Variants in STAU2 observed in about 807,000 individuals in gnomAD.
The protein encoded by STAU2 is staufen double-stranded RNA binding protein 2.
STAU2 carries 20 observed loss-of-function variants against 65.9 expected under a neutral mutation model. The observed-to-expected ratio is 0.30, with a 90% CI of 0.21 to 0.44. STAU2 has a LOEUF of 0.44. STAU2 is among the 20% of genes least tolerant of loss of function. The pLI is 1.00. For synonymous variants in STAU2, 232 were observed against 233.9 expected, an observed-to-expected ratio of 0.99 and a Z score of 0.07; for missense variants, 558 against 683.9, an observed-to-expected ratio of 0.82 and a Z score of 2.05.
chr8:73,612,312 A>T lies in STAU2; in HGVS notation c.891+1432T>A, dbSNP rs1420379291. Among the ~76,000 whole-genome samples the T allele has an allele frequency of 2.0e-5, 3 of 152,236 alleles. No homozygotes were observed. The East Asian group carries it at 5.8e-4, about 29-fold the overall frequency. On this transcript the variant is annotated intron_variant, in intron 9 of 14. Coordinates refer to ENST00000524300, the MANE Select transcript of STAU2 (RefSeq NM_001164380.2). ...TTGTGCATTGTTTCAGTTAATACTTATAACAATCCCATACAGCAAGGTCAG... is the reference window on the plus strand; with the variant it reads ...TTGTGCATTGTTTCAGTTAATACTTTTAACAATCCCATACAGCAAGGTCAG...
intron 12 of STAU2, among the ~76,000 whole-genome samples, chr8:73,566,374 G>A (rs1379214943): frequency 6.6e-6 from 1 of 152,056 alleles, no homozygotes; most frequent in African/African-American, 2.4e-5. Context: ...TAGTTTCTCA[G>A]CCATTTAGTG....
At chr8:73,589,716 T>C (rs893812188) in intron 11 of STAU2, among the ~76,000 whole-genome samples, 1 of 152,046 alleles carries the variant, frequency 6.6e-6, no homozygotes, top group Non-Finnish European at 1.5e-5. Context: ...ATACCAATGG[T>C]CTAATGAATG....
At chr8:73,554,858 T>G (rs190534051) in intron 12 of STAU2, among the ~76,000 whole-genome samples, 3 of 152,232 alleles carry the variant, frequency 2.0e-5, no homozygotes, top group African/African-American at 7.2e-5. Context: ...TCTATCTTCA[T>G]CTACGAAATA....
chr8:73,570,348 A>C (rs991111813), intron 12 of STAU2, among the ~76,000 whole-genome samples: 3 of 152,242 alleles, frequency 2.0e-5, no homozygotes, highest in Non-Finnish European at 4.4e-5. Context: ...GGTGTACCTG[A>C]AAGTGACGGG....
At chr8:73,714,246 A>C (rs1821096438) in intron 3 of STAU2, among the ~76,000 whole-genome samples, 1 of 152,064 alleles carries the variant, frequency 6.6e-6, no homozygotes, top group Non-Finnish European at 1.5e-5. Flanking sequence ...CCCTTTCTCT[A>C]TTCTCTGCTA....
chr8:73,465,149 C>T (rs777025910), intron 13 of STAU2, among the ~76,000 whole-genome samples: 45 of 152,326 alleles, frequency 3.0e-4, no homozygotes, highest in Middle Eastern at 3.4e-3. Context: ...AATGAGCCCA[C>T]CCCGGCCCAC....
chr8:73,474,310 T>C (rs1205502312), intron 13 of STAU2, among the ~76,000 whole-genome samples: 1 of 152,170 alleles, frequency 6.6e-6, no homozygotes, highest in African/African-American at 2.4e-5. Context: ...ATAAAAGGGA[T>C]ATTTCACCTT....
At chr8:73,517,691 C>T (rs1822817313) in intron 13 of STAU2, among the ~76,000 whole-genome samples, 1 of 151,614 alleles carries the variant, frequency 6.6e-6, no homozygotes, top group South Asian at 2.1e-4. Context: ...TAAAATTTCA[C>T]ACTTTTTGCC....
intron 6 of STAU2, among the ~76,000 whole-genome samples, chr8:73,672,654 G>A (rs1278149200): frequency 2.0e-5 from 3 of 152,008 alleles, no homozygotes; most frequent in Non-Finnish European, 4.4e-5. Flanking sequence ...TATAAAAGGT[G>A]GCAAATTCTG....
chr8:73,597,099 A>G (rs1811239152), intron 10 of STAU2, among the ~76,000 whole-genome samples: 1 of 152,128 alleles, frequency 6.6e-6, no homozygotes, highest in Non-Finnish European at 1.5e-5. Flanking sequence ...TCAGCAAAAC[A>G]AACCCAGAGA....
intron 13 of STAU2, chr8:73,439,908 A>G (rs1256084252): frequency 6.6e-6 from 1 of 152,276 alleles, no homozygotes; most frequent in Non-Finnish European, 1.5e-5. Flanking sequence ...ATTCTGAACT[A>G]CCTATATCAT....
At chr8:73,625,688 A>G (rs1335109656) in intron 6 of STAU2, among the ~76,000 whole-genome samples, 1 of 152,206 alleles carries the variant, frequency 6.6e-6, no homozygotes, top group Admixed American at 6.5e-5. Context: ...ACTTTAAAAT[A>G]GTTAATCTTG....
chr8:73,626,893 A>C (rs1234537838), intron 6 of STAU2, among the ~76,000 whole-genome samples: 1 of 152,060 alleles, frequency 6.6e-6, no homozygotes, highest in Non-Finnish European at 1.5e-5. Flanking sequence ...GGGTGCACCC[A>C]GCCTGGAGGT....
At chr8:73,600,048 G>A (rs1190356671) in intron 10 of STAU2, among the ~76,000 whole-genome samples, 5 of 152,142 alleles carry the variant, frequency 3.3e-5, no homozygotes, top group African/African-American at 4.8e-5. Flanking sequence ...GATTACAGGC[G>A]TGAGCCACCA....
At chr8:73,568,813 TAA>T (rs1808817612) in intron 12 of STAU2, among the ~76,000 whole-genome samples, 1 of 152,180 alleles carries the variant, frequency 6.6e-6, no homozygotes, top group Non-Finnish European at 1.5e-5. Context: ...AATGAAACTA[TAA>T]GAGTTCCAGA....
At chr8:73,615,919 G>A (rs1369274224) in intron 7 of STAU2, 137 bp from the exon 8 acceptor site, 6 of 607,010 alleles carry the variant, frequency 9.9e-6, no homozygotes, top group Admixed American at 9.1e-5. Context: ...GCATTCTCCT[G>A]TAACCACAGC....
chr8:73,516,460 G>C (rs542796417), intron 13 of STAU2, among the ~76,000 whole-genome samples: 166 of 152,106 alleles, frequency 1.1e-3, no homozygotes, highest in African/African-American at 3.9e-3. Context: ...TCTTCCATCA[G>C]AGGATGCAAA....
rs1812772507 is a variant in STAU2 at position 73,615,569 on chromosome 8, A to G, written c.678+106T>C. 6 of 776,400 alleles carry G rather than the reference A, an allele frequency of 7.7e-6. No homozygotes were observed. The South Asian group carries it at 1.0e-4, about 13-fold the overall frequency. The allele number at this position is 776,400 out of a possible 1,614,324, so 48.1% of individuals were successfully genotyped here. A position where few individuals can be genotyped will look rare whatever the true frequency, so the allele number is the denominator to read the frequency against. On this transcript the variant is annotated intron_variant, in intron 8 of 14. Coordinates refer to ENST00000524300, the MANE Select transcript of STAU2 (RefSeq NM_001164380.2). The stretch of plus-strand genomic sequence containing the variant: ...ATAATACTGGGTTTGAACATATAGA[A>G]GCACACTAACTCTTGCAGGATACTA...
chr8:73,640,185 C>A (rs755207543), intron 6 of STAU2, among the ~76,000 whole-genome samples: 1 of 151,748 alleles, frequency 6.6e-6, no homozygotes, highest in Non-Finnish European at 1.5e-5. Flanking sequence ...CCAAGTGCTT[C>A]CTATAATAAT....
Sources: gnomAD v4.1 joint callset for allele counts (sites outside exome capture counted in the v4.1 genomes callset) on GRCh38, gnomAD v4.1.1 for gene constraint, MANE v1.5 for transcripts, NCBI Gene and HGNC (gene_info 2026-07-23, HGNC 2026-07-21) for gene names.